The following SLC36A3 variants were observed in gnomAD, a reference collection of about 807,000 sequenced individuals.
SLC36A3 encodes the protein proton-coupled amino acid transporter 3.
In SLC36A3, 35 loss-of-function variants were observed where a neutral mutation model predicts 44.3. The ratio of observed to expected loss-of-function variants is 0.79; its 90% CI spans 0.60 to 1.05. SLC36A3 has a LOEUF of 1.05. SLC36A3 is among the 50% of genes least tolerant of loss of function. The probability of loss-of-function intolerance (pLI) is 0.00; values close to 1 mark genes in which losing one functional copy is unlikely to be tolerated. For synonymous variants in SLC36A3, 211 were observed against 227.6 expected, an observed-to-expected ratio of 0.93 and a Z score of 0.66; for missense variants, 540 against 578.7, an observed-to-expected ratio of 0.93 and a Z score of 0.69.
Position 151,284,671 on chromosome 5 carries a change from C to T in SLC36A3, c.749G>A (p.Trp250Ter). 6.2e-7 allele frequency: 1 copy of T among 1,613,456 alleles called. No individual in the cohort carries two copies. Among genetic ancestry groups the T allele is most frequent in the Non-Finnish European group, 8.5e-7 (1 of 1,179,584 alleles). The change falls in exon 7 of 10, where the codon TGG (tryptophan) becomes TAG (stop). Residue 250 changes from tryptophan (W) to a stop codon, truncating the protein, a stop_gained. Coordinates refer to ENST00000335230, the MANE Select transcript of SLC36A3 (RefSeq NM_181774.4). LOFTEE classifies it high-confidence loss of function. ...ACCAAAGAACAGCAAGAAGGTCTTC[C>T]AGTTTGCCATCAAGGGTAGGTTGCT... ...YPSNLPLMAN[W>*]KTFLLFFGTA...
At chr5:151,297,008 T>C (rs1380152290) in intron 2 of SLC36A3, 5 of 152,220 alleles carry the variant, frequency 3.3e-5, no homozygotes, top group African/African-American at 7.2e-5. Context: ...ACATCCTTTG[T>C]TCTGAACACT....
chr5:151,277,120 A>G lies in SLC36A3; in HGVS notation c.*273T>C. ...TTCAAGGGCTATTGGGGTAAGTGGC[A>G]TCCCTTTTCCATAAAATGAGGCTGA... On this transcript the variant is annotated 3_prime_UTR_variant, in exon 10 of 10. Coordinates refer to ENST00000335230, the MANE Select transcript of SLC36A3 (RefSeq NM_181774.4). 4.3e-6 allele frequency: 2 copies of G among 463,794 alleles called. No homozygotes were observed. The highest frequency in any genetic ancestry group is 3.9e-6 in the Non-Finnish European group (1 of 259,736). The allele number at this position is 463,794 out of a possible 1,614,324, so 28.7% of individuals were successfully genotyped here.
At chr5:151,294,973 A>G (rs1754909956) in intron 3 of SLC36A3, among the ~76,000 whole-genome samples, 1 of 152,052 alleles carries the variant, frequency 6.6e-6, no homozygotes, top group African/African-American at 2.4e-5. Flanking sequence ...AAAACTGTGA[A>G]GTCCCCCAAA....
At chr5:151,294,471 A>G (rs1157932124) in intron 3 of SLC36A3, among the ~76,000 whole-genome samples, 1 of 152,176 alleles carries the variant, frequency 6.6e-6, no homozygotes, top group African/African-American at 2.4e-5. Context: ...AGAATAACAC[A>G]TCCCATTGTA....
chr5:151,293,400 G>T lies in SLC36A3; in HGVS notation c.368C>A (p.Pro123Gln), dbSNP rs149252073. 2 of 1,613,728 alleles carry T rather than the reference G, an allele frequency of 1.2e-6. No homozygotes were observed. Among genetic ancestry groups the T allele is most frequent in the Admixed American group, 1.7e-5 (1 of 60,006 alleles). The change falls in exon 4 of 10, where the codon CCG becomes CAG. Residue 123 changes from proline to glutamine, a missense_variant. Pro to Gln is a moderately conservative substitution (Grantham distance 76). Transcript: ENST00000335230. ...TGCATGGGCCCTCAGCCAGGTGTTC[G>T]GGCAGGTTTCAAGGCCGTACATCGT... ...EATMYGLETC[P>Q]NTWLRAHAVW...
intron 9 of SLC36A3, among the ~76,000 whole-genome samples, chr5:151,278,319 T>G (rs989422321): frequency 1.3e-5 from 2 of 152,194 alleles, no homozygotes; most frequent in Non-Finnish European, 2.9e-5. Context: ...TCTCTTCTCT[T>G]CACACTCCTA....
intron 5 of SLC36A3, among the ~76,000 whole-genome samples, chr5:151,287,798 A>G (rs1754600131): frequency 6.6e-6 from 1 of 152,228 alleles, no homozygotes; most frequent in African/African-American, 2.4e-5. Flanking sequence ...ATACATCCAG[A>G]GAAAGGGAAT....
chr5:151,294,076 G>T (rs1167401989), intron 3 of SLC36A3, among the ~76,000 whole-genome samples: 1 of 152,216 alleles, frequency 6.6e-6, no homozygotes, highest in Non-Finnish European at 1.5e-5. Flanking sequence ...CAGGACTGAG[G>T]GGAACAGGTG....
chr5:151,293,400 G>C lies in SLC36A3; in HGVS notation c.368C>G (p.Pro123Arg), dbSNP rs149252073. 6.2e-7 allele frequency: 1 copy of C among 1,613,726 alleles called. No homozygotes were observed. The highest frequency in any genetic ancestry group is 1.1e-5 in the South Asian group (1 of 90,952). The change falls in exon 4 of 10, where the codon CCG (proline) becomes CGG (arginine). Residue 123 changes from proline to arginine, a missense_variant. Pro to Arg is a moderately radical substitution (Grantham distance 103). Transcript: ENST00000335230. ...EATMYGLETCPNTWLRAHAVW... is the reference protein window; with the variant it reads ...EATMYGLETCRNTWLRAHAVW... Reference sequence around the variant, plus strand: ...TGCATGGGCCCTCAGCCAGGTGTTCGGGCAGGTTTCAAGGCCGTACATCGT... The same window carrying C: ...TGCATGGGCCCTCAGCCAGGTGTTCCGGCAGGTTTCAAGGCCGTACATCGT...
Position 151,281,136 on chromosome 5 carries a change from G to A in SLC36A3, c.1022C>T (p.Thr341Ile). ...TGGGACGTGGAACTGGAGGGCATAG[G>A]TGAAGAAGATGCCGATAGAGTACAT... ...KLMYSIGIFF[T>I]YALQFHVPAE... Residue 341 changes from threonine (T) to isoleucine (I), a missense_variant, in exon 9 of 10, where the codon ACC (threonine) becomes ATC (isoleucine). By Grantham distance (89) the Thr-to-Ile change is moderately conservative. Coordinates refer to ENST00000335230, the MANE Select transcript of SLC36A3 (RefSeq NM_181774.4). The A allele has an allele frequency of 6.2e-7, 1 of 1,614,124 alleles. No homozygotes were observed. Among genetic ancestry groups the A allele is most frequent in the South Asian group, 1.1e-5 (1 of 91,070 alleles).
chr5:151,296,277 G>A lies in SLC36A3; in HGVS notation c.220-9C>T. ...AGGCTGACAGGACCGACCTGGAGGG[G>A]AGAGGAGAAAGGGGGAAGTGAGCCA... On this transcript the variant is annotated splice_polypyrimidine_tract_variant and intron_variant, in intron 2 of 9. Coordinates refer to ENST00000335230, the MANE Select transcript of SLC36A3 (RefSeq NM_181774.4). 1 of 1,613,208 alleles carries A rather than the reference G, an allele frequency of 6.2e-7. No homozygotes were observed. The highest frequency in any genetic ancestry group is 8.5e-7 in the Non-Finnish European group (1 of 1,179,238).
chr5:151,292,035 A>G (rs1754776344), intron 4 of SLC36A3, among the ~76,000 whole-genome samples: 2 of 151,900 alleles, frequency 1.3e-5, no homozygotes, highest in African/African-American at 4.8e-5. Flanking sequence ...TAATTTTCAT[A>G]TTTTTAGTAG....
chr5:151,299,264 C>CTCTATATA (rs1372309288), intron 1 of SLC36A3, among the ~76,000 whole-genome samples: 128 of 59,636 alleles, frequency 2.1e-3, no homozygotes, highest in Non-Finnish European at 3.1e-3. Flanking sequence ...CTCTCTCTCT[C>CTCTATATA]TATATATATA....
rs2127267149 is a variant in SLC36A3 at position 151,293,346 on chromosome 5, A to G, written c.404+18T>C. On this transcript the variant is annotated intron_variant, in intron 4 of 9. Coordinates refer to ENST00000335230, the MANE Select transcript of SLC36A3 (RefSeq NM_181774.4). Reference sequence around the variant, plus strand: ...TGATGATTTTTGTTGTTACTACTACAACATCTGTGACTACTACCTTCCCCA... The same window carrying G: ...TGATGATTTTTGTTGTTACTACTACGACATCTGTGACTACTACCTTCCCCA... The G allele has an allele frequency of 6.2e-7, 1 of 1,600,540 alleles. No individual in the cohort carries two copies. The highest frequency in any genetic ancestry group is 8.5e-7 in the Non-Finnish European group (1 of 1,172,608).
intron 1 of SLC36A3, among the ~76,000 whole-genome samples, chr5:151,302,395 G>A (rs1327847491): frequency 3.9e-5 from 6 of 152,204 alleles, no homozygotes; most frequent in Admixed American, 2.0e-4. Context: ...TAGAAGAAGA[G>A]TTCTGTTGAA....
chr5:151,280,455 A>G (rs542018106), intron 9 of SLC36A3, among the ~76,000 whole-genome samples: 4 of 152,244 alleles, frequency 2.6e-5, no homozygotes, highest in South Asian at 2.1e-4. Flanking sequence ...CTCTGTCTCA[A>G]ATAAATAAAT....
intron 1 of SLC36A3, among the ~76,000 whole-genome samples, chr5:151,302,522 G>A (rs2127275703): frequency 7.0e-6 from 1 of 143,460 alleles, no homozygotes; most frequent in East Asian, 2.2e-4. Flanking sequence ...GCTGAACAAT[G>A]AGAACACATG....
chr5:151,299,489 A>G (rs1163273146), intron 1 of SLC36A3, among the ~76,000 whole-genome samples: 2 of 151,706 alleles, frequency 1.3e-5, no homozygotes, highest in East Asian at 3.9e-4. Context: ...AGTACTTATG[A>G]TGGTCCCAGC....
At chr5:151,290,618 G>A (rs1037387555) in intron 4 of SLC36A3, among the ~76,000 whole-genome samples, 9 of 152,264 alleles carry the variant, frequency 5.9e-5, no homozygotes, top group Middle Eastern at 3.4e-3. Context: ...AGTATGGGCC[G>A]GGTGCAGTGG....
Sources: gnomAD v4.1 joint callset for allele counts (sites outside exome capture counted in the v4.1 genomes callset) on GRCh38, gnomAD v4.1.1 for gene constraint, MANE v1.5 for transcripts, NCBI Gene and HGNC (gene_info 2026-07-23, HGNC 2026-07-21) for gene names.